Variants in TG observed in about 807,000 individuals in gnomAD.
The protein encoded by TG is thyroglobulin, also known as thyroid hormones.
TG carries 270 observed loss-of-function variants against 324.7 expected under a neutral mutation model. The observed-to-expected ratio is 0.83, with a 90% CI of 0.75 to 0.92. TG has a LOEUF of 0.92. Ranked by LOEUF, TG falls within the 40% of genes least tolerant of loss-of-function variation. The pLI is 0.00. For synonymous variants in TG, 1,401 were observed against 1,327.0 expected (o/e 1.06, Z -1.21); for missense variants, 3,591 against 3,456.4 (o/e 1.04, Z -0.98).
chr8:132,923,241 G>A, intron 21 of TG, 97 bp from the exon 22 acceptor site: 1 of 1,349,200 alleles, frequency 7.4e-7, no homozygotes, highest in Non-Finnish European at 1.1e-6. Context: ...TTAGATGTGT[G>A]ACTTGGACAC....
chr8:132,961,850 G>A (rs1564007715), intron 28 of TG, among the ~76,000 whole-genome samples: 1 of 152,118 alleles, frequency 6.6e-6, no homozygotes, highest in Admixed American at 6.5e-5. Context: ...GAGAGGATTG[G>A]CGACTTGCTT....
rs528007194 is a variant in TG, at chr8:132,983,332, C to G, written c.6200-18C>G. The G allele has an allele frequency of 4.3e-6, 7 of 1,613,846 alleles. No individual in the cohort carries two copies. The East Asian group carries it at 1.6e-4, about 36-fold the overall frequency. ...ATGGGGGTAGAAAAGAACTGAAAGA[C>G]TGCTTTTTCCTTTTCAGTTGCTCAA... On this transcript the variant is annotated intron_variant, in intron 34 of 47. Coordinates refer to ENST00000220616, the MANE Select transcript of TG (RefSeq NM_003235.5).
At chr8:132,976,497 C>G (rs1284364680) in intron 34 of TG, among the ~76,000 whole-genome samples, 93 of 152,174 alleles carry the variant, frequency 6.1e-4, no homozygotes, top group Non-Finnish European at 5.9e-5. Flanking sequence ...GGTGTGGAAG[C>G]CTGTTGCTGG....
chr8:132,975,408 A>G (rs969980572), intron 34 of TG, among the ~76,000 whole-genome samples: 54 of 152,240 alleles, frequency 3.5e-4, no homozygotes, highest in African/African-American at 1.2e-3. Context: ...CAAGGTACTC[A>G]TTGTCCCAAC....
At chr8:132,870,008 T>G (rs1839335309) in intron 3 of TG, among the ~76,000 whole-genome samples, 182 bp downstream of exon 3, 1 of 152,166 alleles carries the variant, frequency 6.6e-6, no homozygotes, top group Non-Finnish European at 1.5e-5. Flanking sequence ...AGGGCCACTG[T>G]GAAAGTCCAG....
chr8:133,024,314 CT>C (rs1411427777), intron 40 of TG, among the ~76,000 whole-genome samples: 2 of 15,760 alleles, frequency 1.3e-4, no homozygotes, highest in African/African-American at 4.9e-4. Flanking sequence ...CATTTTCTTT[CT>C]TTCTTTCTTT....
Position 132,969,587 on chromosome 8 carries a change from C to A in TG, c.5975+18C>A. 2 of 1,443,822 alleles carry A rather than the reference C, an allele frequency of 1.4e-6. No individual in the cohort carries two copies. The highest frequency in any genetic ancestry group is 2.0e-6 in the Non-Finnish European group (2 of 1,025,092). The allele number at this position is 1,443,822 out of a possible 1,614,324, so 89.4% of individuals were successfully genotyped here. A position where few individuals can be genotyped will look rare whatever the true frequency, so the allele number is the denominator to read the frequency against. The stretch of plus-strand genomic sequence containing the variant: ...TCTAATGGGTAAGCTACTTGTGTCT[C>A]ACCCCTAATGTTTATTATGAATAAT... On this transcript the variant is annotated intron_variant, in intron 32 of 47. Coordinates refer to ENST00000220616, the MANE Select transcript of TG (RefSeq NM_003235.5).
chr8:133,059,747 G>A (rs1198852151), intron 41 of TG, among the ~76,000 whole-genome samples: 2 of 152,186 alleles, frequency 1.3e-5, no homozygotes, highest in Admixed American at 1.3e-4. Flanking sequence ...TTCAGAATTG[G>A]ATGGGCCTGG....
chr8:132,906,217 A>G (rs567162904), intron 16 of TG, among the ~76,000 whole-genome samples: 1 of 152,204 alleles, frequency 6.6e-6, no homozygotes, highest in East Asian at 1.9e-4. Flanking sequence ...GCAGGTGTGA[A>G]TGGTGACCAA....
intron 44 of TG, among the ~76,000 whole-genome samples, chr8:133,114,265 C>T (rs893114240): frequency 6.6e-6 from 1 of 152,164 alleles, no homozygotes; most frequent in Admixed American, 6.5e-5. Context: ...GCTTACATGC[C>T]TTGTCCCCAT....
rs1273191568 is a variant in TG at position 133,022,036 on chromosome 8, A to G, written c.6922A>G (p.Arg2308Gly). 4.3e-6 allele frequency: 7 copies of G among 1,614,050 alleles called. No individual in the cohort carries two copies. The highest frequency in any genetic ancestry group is 5.1e-6 in the Non-Finnish European group (6 of 1,180,040). ...VLVFFHNTMD[R>G]EESEGWPAID... The stretch of plus-strand genomic sequence containing the variant: ...GGTGTTCTTCCACAACACCATGGAC[A>G]GGGAGGAGAGTGAAGGATGGCCGGC... The change falls in exon 40 of 48, where the codon AGG becomes GGG. Residue 2308 changes from arginine (R) to glycine (G), a missense_variant. Arg to Gly is a moderately radical substitution (Grantham distance 125). Coordinates refer to ENST00000220616, the MANE Select transcript of TG (RefSeq NM_003235.5).
chr8:133,028,968 A>G (rs1474042063), intron 40 of TG, among the ~76,000 whole-genome samples: 3 of 152,286 alleles, frequency 2.0e-5, no homozygotes, highest in Admixed American at 6.5e-5. Flanking sequence ...ACACAGGACC[A>G]TCACCAACAT....
chr8:132,927,194 G>A (rs551532766), intron 22 of TG, among the ~76,000 whole-genome samples: 2 of 152,186 alleles, frequency 1.3e-5, no homozygotes, highest in South Asian at 4.1e-4. Context: ...CCATCATAAT[G>A]TTATCTCCTG....
intron 45 of TG, among the ~76,000 whole-genome samples, chr8:133,123,450 C>A (rs1851292499): frequency 6.6e-6 from 1 of 151,100 alleles, no homozygotes; most frequent in African/African-American, 2.4e-5. Flanking sequence ...CTGTCTAATG[C>A]CTCCTGTGTT....
Position 132,900,085 on chromosome 8 carries a change from A to G in TG, c.3331-152A>G, listed in dbSNP as rs1817697747. On this transcript the variant is annotated intron_variant, in intron 14 of 47. Coordinates refer to ENST00000220616, the MANE Select transcript of TG (RefSeq NM_003235.5). ...ATGATGCACGTAAAGGGCTGGGAAC[A>G]GGAGAGCACCTCTCCCCACCTCCAC... 8.8e-6 allele frequency: 6 copies of G among 684,406 alleles called. No homozygotes were observed. In the East Asian group the frequency reaches 1.1e-4, roughly 13 times the overall value. 42.4% of individuals were successfully genotyped at this position (684,406 alleles called of 1,614,324 possible).
In TG at chr8:133,113,480, A is replaced by G; in HGVS notation, c.7631A>G (p.Gln2544Arg). ...SSKTAFYQAL[Q>R]NSLGGEDSDA... ...AAAACAGCCTTTTACCAGGCACTGC[A>G]GAATTCTCTGGGTGGCGAGGACTCA... is the stretch of plus-strand genomic sequence containing the variant. The change falls in exon 44 of 48, where the codon CAG becomes CGG. Residue 2544 changes from glutamine to arginine, a missense_variant. By Grantham distance (43) the Gln-to-Arg change is conservative. Coordinates refer to ENST00000220616, the MANE Select transcript of TG (RefSeq NM_003235.5). The G allele has an allele frequency of 1.2e-6, 2 of 1,614,000 alleles. No individual in the cohort carries two copies. The highest frequency in any genetic ancestry group is 2.2e-5 in the South Asian group (2 of 91,062).
intron 27 of TG, among the ~76,000 whole-genome samples, chr8:132,959,580 C>A (rs1290528985): frequency 6.6e-6 from 1 of 152,114 alleles, no homozygotes; most frequent in African/African-American, 2.4e-5. Context: ...GATCACACAA[C>A]AACAAAATTG....
At chr8:132,906,325 C>T (rs1460325218) in intron 16 of TG, among the ~76,000 whole-genome samples, 1 of 151,938 alleles carries the variant, frequency 6.6e-6, no homozygotes, top group African/African-American at 2.4e-5. Context: ...GGGACTGAGG[C>T]AGGGGTGGCA....
At chr8:132,879,123 G>A (rs1160132933) in intron 5 of TG, among the ~76,000 whole-genome samples, 2 of 152,164 alleles carry the variant, frequency 1.3e-5, no homozygotes, top group African/African-American at 4.8e-5. Flanking sequence ...TTATTATTTT[G>A]GAGAAGGAGT....
Sources: gnomAD v4.1 joint callset for allele counts (sites outside exome capture counted in the v4.1 genomes callset) on GRCh38, gnomAD v4.1.1 for gene constraint, MANE v1.5 for transcripts, NCBI Gene and HGNC (gene_info 2026-07-23, HGNC 2026-07-21) for gene names.